SPMIP4: variants seen among roughly 807,000 people sequenced by gnomAD.
The protein encoded by SPMIP4 is sperm-associated microtubule inner protein 4.
At chr7:25,179,211 A>C in the SPMIP4 span, 1 of 1,612,794 alleles carries the variant, frequency 6.2e-7, no homozygotes, top group South Asian at 1.1e-5. Context: ...AACCGTCTGG[A>C]GGGGGTTGTG....
At chr7:25,161,292 G>T in the SPMIP4 span, 1 of 1,240,214 alleles carries the variant, frequency 8.1e-7, no homozygotes. Context: ...AATTAAACAT[G>T]TTTTAAAATT....
chr7:25,163,172 G>A, the SPMIP4 span, among the ~76,000 whole-genome samples: 5 of 152,110 alleles, frequency 3.3e-5, no homozygotes, highest in African/African-American at 7.2e-5. The surrounding 1 kb of genome is among the most constrained non-coding windows in gnomAD (Gnocchi z 4.4). Context: ...AATACATGAC[G>A]GCTAATAATC....
At chr7:25,130,657 TC>T in the SPMIP4 span, among the ~76,000 whole-genome samples, 1 of 152,278 alleles carries the variant, frequency 6.6e-6, no homozygotes, top group East Asian at 1.9e-4. Flanking sequence ...TTCAGGCCCC[TC>T]CCATAATCCT....
chr7:25,139,155 T>A, the SPMIP4 span, among the ~76,000 whole-genome samples: 1 of 152,238 alleles, frequency 6.6e-6, no homozygotes, highest in African/African-American at 2.4e-5. Context: ...CTTTATTTCA[T>A]CTTAAAAGAA....
chr7:25,125,909 G>A, the SPMIP4 span: 1 of 985,310 alleles, frequency 1.0e-6, no homozygotes, highest in East Asian at 1.1e-4. Flanking sequence ...CCAGCTCTCC[G>A]CTTGATGGAC....
At chr7:25,163,481 T>G in the SPMIP4 span, among the ~76,000 whole-genome samples, 1 of 152,324 alleles carries the variant, frequency 6.6e-6, no homozygotes, top group African/African-American at 2.4e-5. The surrounding 1 kb of genome is among the most constrained non-coding windows in gnomAD (Gnocchi z 4.4). Flanking sequence ...ATGTTCTCAA[T>G]AATTAGGTAG....
At chr7:25,128,208 A>G in the SPMIP4 span, among the ~76,000 whole-genome samples, 7 of 152,208 alleles carry the variant, frequency 4.6e-5, no homozygotes, top group Non-Finnish European at 1.0e-4. This position sits in a 1 kb window ranked among gnomAD's most constrained non-coding sequence, Gnocchi z 4.5. Flanking sequence ...CTGTCTAGCT[A>G]CAGTAGCTTA....
chr7:25,161,123 T>G, the SPMIP4 span: 1 of 920,354 alleles, frequency 1.1e-6, no homozygotes, highest in South Asian at 1.8e-5. Flanking sequence ...TAAAAATGTC[T>G]CATATAACTC....
At chr7:25,165,324 T>C in the SPMIP4 span, among the ~76,000 whole-genome samples, 2 of 152,206 alleles carry the variant, frequency 1.3e-5, no homozygotes, top group East Asian at 1.9e-4. Flanking sequence ...GTATAGAATA[T>C]TGGGACAAGA....
the SPMIP4 span, chr7:25,142,294 G>T: frequency 6.2e-7 from 1 of 1,612,808 alleles, no homozygotes; most frequent in South Asian, 1.1e-5. Flanking sequence ...ATCTTTTCAT[G>T]GTAATCATCC....
At chr7:25,177,732 A>C in the SPMIP4 span, among the ~76,000 whole-genome samples, 2 of 152,346 alleles carry the variant, frequency 1.3e-5, no homozygotes, top group South Asian at 4.1e-4. Flanking sequence ...GAATTACTAC[A>C]TACAAAGCAT....
chr7:25,159,597 G>A, the SPMIP4 span, among the ~76,000 whole-genome samples: 4 of 152,164 alleles, frequency 2.6e-5, no homozygotes, highest in African/African-American at 9.7e-5. Flanking sequence ...TAATTTTTTA[G>A]ATGTTCCTCC....
At chr7:25,176,923 A>G in the SPMIP4 span, among the ~76,000 whole-genome samples, 3 of 152,236 alleles carry the variant, frequency 2.0e-5, no homozygotes, top group Admixed American at 2.0e-4. This position sits in a 1 kb window ranked among gnomAD's most constrained non-coding sequence, Gnocchi z 4.4. Context: ...AAGAAAAAGG[A>G]GCTGAATCTG....
chr7:25,135,917 T>C, the SPMIP4 span: 1 of 1,524,608 alleles, frequency 6.6e-7, no homozygotes, highest in East Asian at 2.3e-5. Context: ...GGAAATTCTG[T>C]TATATTTTTT....
At chr7:25,179,986 G>A in the SPMIP4 span, 1 of 152,652 alleles carries the variant, frequency 6.6e-6, no homozygotes, top group African/African-American at 2.4e-5. Flanking sequence ...ACATGAGCCT[G>A]GGGGCGCTGC....
At chr7:25,135,210 C>T in the SPMIP4 span, 2 of 594,668 alleles carry the variant, frequency 3.4e-6, no homozygotes, top group Admixed American at 1.3e-4. Flanking sequence ...CCAAGCCATC[C>T]TTTCTTGCTA....
At chr7:25,140,419 A>G in the SPMIP4 span, among the ~76,000 whole-genome samples, 2 of 152,164 alleles carry the variant, frequency 1.3e-5, no homozygotes, top group Admixed American at 1.3e-4. Context: ...CTCCCACCTT[A>G]GCCTCCTGAG....
At chr7:25,157,906 C>T in the SPMIP4 span, among the ~76,000 whole-genome samples, 1 of 152,068 alleles carries the variant, frequency 6.6e-6, no homozygotes, top group African/African-American at 2.4e-5. Context: ...GGGGAAGCTG[C>T]GTGTGATGTA....
chr7:25,159,065 A>C, the SPMIP4 span, among the ~76,000 whole-genome samples: 15 of 152,168 alleles, frequency 9.9e-5, no homozygotes, highest in Non-Finnish European at 2.2e-4. Context: ...GTGAAGATAC[A>C]AGGGATGACT....
Sources: gnomAD v4.1 joint callset for allele counts (sites outside exome capture counted in the v4.1 genomes callset) on GRCh38, gnomAD v4.1.1 for gene constraint, Gnocchi (gnomAD v3.1) non-coding constraint, MANE v1.5 for transcripts, NCBI Gene and HGNC (gene_info 2026-07-23, HGNC 2026-07-21) for gene names.